Variants in NCOA7 observed in about 807,000 individuals in gnomAD.
NCOA7 encodes nuclear receptor coactivator 7, also known as 140 kDa estrogen receptor-associated protein.
NCOA7 carries 45 observed loss-of-function variants against 104.3 expected under a neutral mutation model. The observed-to-expected ratio is 0.43, with a 90% CI of 0.34 to 0.55. NCOA7 has a LOEUF of 0.55. Among genes scored for constraint, NCOA7 ranks in the 20% least tolerant of loss-of-function variants. The pLI, the probability that NCOA7 is intolerant of heterozygous loss-of-function variation, is 0.02. For synonymous variants in NCOA7, 398 were observed against 402.3 expected (o/e 0.99, Z 0.13); for missense variants, 1,041 against 1,119.7 (o/e 0.93, Z 1.00).
intron 8 of NCOA7, among the ~76,000 whole-genome samples, chr6:125,886,489 CAA>C (rs1257322240): frequency 2.0e-5 from 3 of 152,298 alleles, no homozygotes; most frequent in East Asian, 3.9e-4. Flanking sequence ...AAACTTCTCT[CAA>C]TGTGAGATTA....
chr6:125,833,814 T>C (rs903514416), intron 2 of NCOA7, among the ~76,000 whole-genome samples: 2 of 152,110 alleles, frequency 1.3e-5, no homozygotes, highest in African/African-American at 4.8e-5. Flanking sequence ...ATCCCTGACC[T>C]CCTCTCACTC....
intron 3 of NCOA7, among the ~76,000 whole-genome samples, chr6:125,867,468 G>T (rs1782531648): frequency 6.6e-6 from 1 of 152,216 alleles, no homozygotes. Context: ...TTTAGGAGAG[G>T]TTAGAATAGT....
At chr6:125,784,668 A>G (rs1774375742) in intron 1 of NCOA7, among the ~76,000 whole-genome samples, 1 of 152,234 alleles carries the variant, frequency 6.6e-6, no homozygotes, top group African/African-American at 2.4e-5. Flanking sequence ...ATGGTTAAAC[A>G]AACTGTGGTA....
At chr6:125,911,166 T>C (rs1385546259) in intron 10 of NCOA7, among the ~76,000 whole-genome samples, 1 of 152,250 alleles carries the variant, frequency 6.6e-6, no homozygotes, top group East Asian at 1.9e-4. Context: ...AAAGAGCACA[T>C]TGCGTTAAGC....
intron 2 of NCOA7, among the ~76,000 whole-genome samples, chr6:125,848,835 A>T (rs1336265965): frequency 3.3e-5 from 5 of 152,182 alleles, no homozygotes; most frequent in Non-Finnish European, 7.4e-5. Context: ...AATAAACTTT[A>T]TTTTAAAATC....
chr6:125,855,002 T>C lies in NCOA7; in HGVS notation c.51-18T>C. On this transcript the variant is annotated intron_variant, in intron 2 of 15. Coordinates refer to ENST00000392477, the MANE Select transcript of NCOA7 (RefSeq NM_181782.5). ...ATCATCTCTCCAATGTTTTTTCTTT[T>C]TTTTCCCTCTTTCCTAGACTGAAAA... 6.4e-7 allele frequency: 1 copy of C among 1,555,272 alleles called. No individual in the cohort carries two copies. Among genetic ancestry groups the C allele is most frequent in the Non-Finnish European group, 8.7e-7 (1 of 1,153,160 alleles).
chr6:125,890,703 G>A lies in NCOA7; in HGVS notation c.1989G>A (p.Val663=), dbSNP rs1784565213. ...KTPPMFLCIK[V]GKPMRKSFAT... Reference sequence around the variant, plus strand: ...CACCCATGTTCCTGTGCATCAAAGTGGGAAAACCAATGAGAAAATCCTTTG... The same window carrying A: ...CACCCATGTTCCTGTGCATCAAAGTAGGAAAACCAATGAGAAAATCCTTTG... Residue 663 remains valine (V), a synonymous_variant, in exon 10 of 16, where the codon GTG becomes GTA. Coordinates refer to ENST00000392477, the MANE Select transcript of NCOA7 (RefSeq NM_181782.5). The A allele has an allele frequency of 6.2e-7, 1 of 1,613,616 alleles. No homozygotes were observed. The highest frequency in any genetic ancestry group is 8.5e-7 in the Non-Finnish European group (1 of 1,179,854).
chr6:125,781,742 T>G (rs1401835234), intron 1 of NCOA7, among the ~76,000 whole-genome samples: 2 of 152,252 alleles, frequency 1.3e-5, no homozygotes, highest in African/African-American at 4.8e-5. Flanking sequence ...CAAAAGGGTA[T>G]GGTGAAAACC....
At position 125,848,598 on chromosome 6, in the gene NCOA7, G is replaced by A. The variant is rs561632561; in HGVS notation, c.51-6422G>A. Among the ~76,000 whole-genome samples, 284 of 152,106 alleles carry A rather than the reference G, an allele frequency of 1.9e-3. 1 individual carries two copies. The highest frequency in any genetic ancestry group is 4.0e-4 in the Non-Finnish European group (27 of 67,986). On this transcript the variant is annotated intron_variant, in intron 2 of 15. Coordinates refer to ENST00000392477, the MANE Select transcript of NCOA7 (RefSeq NM_181782.5). Reference sequence around the variant, plus strand: ...TCTCACTCATAGGTGGGAATTGAACGATGAGAACACTTGGATACAGGGTAG... The same window carrying A: ...TCTCACTCATAGGTGGGAATTGAACAATGAGAACACTTGGATACAGGGTAG...
chr6:125,820,442 G>C (rs866626080), intron 2 of NCOA7, among the ~76,000 whole-genome samples: 1 of 152,236 alleles, frequency 6.6e-6, no homozygotes, highest in African/African-American at 2.4e-5. Context: ...CTGGAGAGAA[G>C]CTCAAATGGG....
intron 2 of NCOA7, among the ~76,000 whole-genome samples, chr6:125,836,164 T>G (rs899317039): frequency 2.0e-5 from 3 of 152,242 alleles, no homozygotes; most frequent in Non-Finnish European, 2.9e-5. Flanking sequence ...CTCAATTTAG[T>G]GTTTAATACC....
chr6:125,794,697 T>G (rs1775138036), intron 1 of NCOA7, among the ~76,000 whole-genome samples: 1 of 152,230 alleles, frequency 6.6e-6, no homozygotes, highest in East Asian at 1.9e-4. Flanking sequence ...ACATTTGAAC[T>G]TAGCCAAATG....
chr6:125,919,398 T>G, intron 11 of NCOA7: 2 of 1,612,768 alleles, frequency 1.2e-6, no homozygotes, highest in Non-Finnish European at 1.7e-6. Flanking sequence ...AGATTTTCTA[T>G]TGTGCCAGAC....
intron 2 of NCOA7, 21 bp from the exon 3 acceptor site, chr6:125,854,999 T>C (rs1392325747): frequency 6.5e-7 from 1 of 1,534,360 alleles, no homozygotes; most frequent in East Asian, 2.3e-5. Context: ...ATGTTTTTTC[T>C]TTTTTTTCCC....
chr6:125,805,876 TG>T (rs1419869975), intron 1 of NCOA7, among the ~76,000 whole-genome samples: 20 of 152,350 alleles, frequency 1.3e-4, no homozygotes, highest in Admixed American at 1.3e-3. Context: ...TAGAATTTTC[TG>T]TTCCATGGGG....
rs1784459945 is a variant in NCOA7 at position 125,889,313 on chromosome 6, A to G, written c.1259A>G (p.Glu420Gly). 6.2e-7 allele frequency: 1 copy of G among 1,614,170 alleles called. No individual in the cohort carries two copies. Among genetic ancestry groups the G allele is most frequent in the South Asian group, 1.1e-5 (1 of 91,088 alleles). The change falls in exon 9 of 16, where the codon GAA becomes GGA. Residue 420 changes from glutamate (E) to glycine (G), a missense_variant. By Grantham distance (98) the Glu-to-Gly change is moderately conservative. Coordinates refer to ENST00000392477, the MANE Select transcript of NCOA7 (RefSeq NM_181782.5). ...GAAGATGATGATTTTGTTGACTTGG[A>G]AGAACTTTCTTCTCAAACTGGTGGT... is the stretch of plus-strand genomic sequence containing the variant. ...LGEDDDFVDL[E>G]ELSSQTGGGM...
chr6:125,899,380 C>T (rs1384103381), intron 10 of NCOA7, among the ~76,000 whole-genome samples: 1 of 152,170 alleles, frequency 6.6e-6, no homozygotes, highest in African/African-American at 2.4e-5. Context: ...ATCTTTAATG[C>T]CTCCTGGTGC....
intron 10 of NCOA7, among the ~76,000 whole-genome samples, chr6:125,902,546 G>A (rs919470914): frequency 6.6e-6 from 1 of 151,658 alleles, no homozygotes; most frequent in Non-Finnish European, 1.5e-5. Flanking sequence ...ACCGTAACTA[G>A]TAGTGAATCT....
intron 1 of NCOA7, among the ~76,000 whole-genome samples, chr6:125,800,891 G>A (rs1469089854): frequency 1.3e-5 from 2 of 152,148 alleles, no homozygotes; most frequent in Admixed American, 6.6e-5. Context: ...GGCAGGTGTC[G>A]GGGCACGCGC....
Sources: allele counts gnomAD v4.1 joint callset (sites outside exome capture counted in the v4.1 genomes callset), GRCh38; gene constraint gnomAD v4.1.1; transcripts MANE v1.5; gene names NCBI Gene and HGNC (gene_info 2026-07-23, HGNC 2026-07-21).